Variants in KHNYN observed in about 807,000 individuals in gnomAD.
KHNYN encodes protein KHNYN.
Under a neutral mutation model 62.7 loss-of-function variants are expected in KHNYN, and 42 were observed. The observed-to-expected ratio is 0.67, with a 90% CI of 0.52 to 0.87. The LOEUF (loss-of-function observed/expected upper bound fraction) is 0.87. Among genes scored for constraint, KHNYN ranks in the 40% least tolerant of loss-of-function variants. The probability of loss-of-function intolerance (pLI) is 0.00; values close to 1 mark genes in which losing one functional copy is unlikely to be tolerated. For missense variants in KHNYN, 829 were observed against 874.1 expected (o/e 0.95, Z 0.65); for synonymous variants, 347 against 345.6 (o/e 1.00, Z -0.04).
upstream of KHNYN, among the ~76,000 whole-genome samples, chr14:24,425,819 C>T (rs527676364): frequency 1.4e-4 from 21 of 152,318 alleles, no homozygotes; most frequent in South Asian, 8.3e-4. Context: ...TCTTATAACA[C>T]GCCATTGGAC....
chr14:24,438,051 C>T lies in KHNYN; in HGVS notation c.*766C>T. 6.5e-6 allele frequency: 1 copy of T among 152,734 alleles called. No homozygotes were observed. 9.5% of individuals were successfully genotyped at this position (152,734 alleles called of 1,614,324 possible). ...GTCCTTTGTCTCCAGGATCCACACCCTAGATTTTAACACTGCATTCTCACT... is the reference window on the plus strand; with the variant it reads ...GTCCTTTGTCTCCAGGATCCACACCTTAGATTTTAACACTGCATTCTCACT... On this transcript the variant is annotated 3_prime_UTR_variant, in exon 8 of 8. Transcript: ENST00000553935.
Position 24,437,241 on chromosome 14 carries a change from G to T in KHNYN, c.1993G>T (p.Asp665Tyr). The T allele has an allele frequency of 6.2e-7, 1 of 1,614,170 alleles. No homozygotes were observed. The highest frequency in any genetic ancestry group is 8.5e-7 in the Non-Finnish European group (1 of 1,180,020). ...FILQREPYCR[D>Y]INQLSEALLS... The stretch of plus-strand genomic sequence containing the variant: ...CCTGCAGCGGGAGCCATACTGCCGG[G>T]ACATCAACCAACTGTCTGAGGCCCT... The change falls in exon 8 of 8, where the codon GAC becomes TAC. Residue 665 changes from aspartate to tyrosine, a missense_variant. Asp to Tyr is a radical substitution (Grantham distance 160). Transcript: ENST00000553935. The surrounding 1 kb of genome is among the most constrained non-coding windows in gnomAD (Gnocchi z 5.5).
At position 24,436,297 on chromosome 14, in the gene KHNYN, G is replaced by A. The variant is rs143544907; in HGVS notation, c.1686-91G>A. 7 of 1,422,730 alleles carry A rather than the reference G, an allele frequency of 4.9e-6. No individual in the cohort carries two copies. The African/African-American group carries it at 8.4e-5, about 17-fold the overall frequency. 88.1% of individuals were successfully genotyped at this position (1,422,730 alleles called of 1,614,324 possible). A position where few individuals can be genotyped will look rare whatever the true frequency, so the allele number is the denominator to read the frequency against. The stretch of plus-strand genomic sequence containing the variant: ...GGAGGTGAAGTTTTCTTGAAGGATG[G>A]AGCCAGCAGCTTCTGGTGATACTGG... On this transcript the variant is annotated intron_variant, in intron 6 of 7. Transcript: ENST00000553935.
chr14:24,437,137 G>A lies in KHNYN; in HGVS notation c.1889G>A (p.Arg630Gln), dbSNP rs1000598011. The A allele has an allele frequency of 1.2e-6, 2 of 1,614,170 alleles. No individual in the cohort carries two copies. The highest frequency in any genetic ancestry group is 1.7e-6 in the Non-Finnish European group (2 of 1,180,020). The change falls in exon 8 of 8, where the codon CGG (arginine) becomes CAG (glutamine). Residue 630 changes from arginine (R) to glutamine (Q), a missense_variant. Physicochemically the swap from Arg to Gln is conservative, Grantham distance 43. Transcript: ENST00000553935. This position sits in a 1 kb window ranked among gnomAD's most constrained non-coding sequence, Gnocchi z 5.5. ...GAGGAAAAAGGTAGTGGTGGCATTC[G>A]GAAGACCCGGGAAACAGAGCGGCTC... ...REEEKGSGGI[R>Q]KTRETERLRR...
intron 5 of KHNYN, chr14:24,434,015 A>C: frequency 2.6e-6 from 1 of 389,656 alleles, no homozygotes; most frequent in Non-Finnish European, 3.5e-6. Flanking sequence ...CTTTTCAAAC[A>C]CTTACCTTCT....
At position 24,432,585 on chromosome 14, in the gene KHNYN, A is replaced by T. The variant is rs772011614; in HGVS notation, c.1324A>T (p.Ile442Phe). Residue 442 changes from isoleucine (I) to phenylalanine (F), a missense_variant, in exon 3 of 8, where the codon ATT becomes TTT. By Grantham distance (21) the Ile-to-Phe change is conservative. Transcript: ENST00000553935. The surrounding 1 kb of genome is among the most constrained non-coding windows in gnomAD (Gnocchi z 5.6). Reference sequence around the variant, plus strand: ...CCAGCCAGACCTCCGCCATATTGTCATTGACGGCAGCAACGTGGCCATGGT... The same window carrying T: ...CCAGCCAGACCTCCGCCATATTGTCTTTGACGGCAGCAACGTGGCCATGGT... ...PGQPDLRHIV[I>F]DGSNVAMVHG... is the part of the protein sequence containing the mutation. 3 of 1,607,944 alleles carry T rather than the reference A, an allele frequency of 1.9e-6. No homozygotes were observed. Among genetic ancestry groups the T allele is most frequent in the Admixed American group, 3.3e-5 (2 of 59,850 alleles).
Position 24,432,129 on chromosome 14 carries a change from C to G in KHNYN, c.868C>G (p.Gln290Glu), listed in dbSNP as rs769453391. 1 of 1,552,056 alleles carries G rather than the reference C, an allele frequency of 6.4e-7. No individual in the cohort carries two copies. The highest frequency in any genetic ancestry group is 1.2e-5 in the South Asian group (1 of 80,892). The change falls in exon 3 of 8, where the codon CAG (glutamine) becomes GAG (glutamate). Residue 290 changes from glutamine (Q) to glutamate (E), a missense_variant. By Grantham distance (29) the Gln-to-Glu change is conservative (BLOSUM62 2). Transcript: ENST00000553935. This position sits in a 1 kb window ranked among gnomAD's most constrained non-coding sequence, Gnocchi z 5.6. ...AWEREVALRPQSVGGGARESA... is the reference protein window; with the variant it reads ...AWEREVALRPESVGGGARESA... ...GGAGAGAGAAGTGGCCCTCAGGCCA[C>G]AGTCAGTGGGTGGAGGGGCAAGGGA...
Position 24,439,351 on chromosome 14 carries a change from GCTT to G in KHNYN, c.*2070_*2072del. ...CAGTCAGATGAGAGGCAAGTCCTAA[GCTT>G]CTTATAGACAGGGATGTTGACTTTG... is the stretch of plus-strand genomic sequence containing the variant. On this transcript the variant is annotated 3_prime_UTR_variant, in exon 8 of 8. Coordinates refer to ENST00000553935, the MANE Select transcript of KHNYN (RefSeq NM_015299.3). 6.6e-6 allele frequency: 1 copy of G among 152,198 alleles called. No individual in the cohort carries two copies. The highest frequency in any genetic ancestry group is 2.4e-5 in the African/African-American group (1 of 41,424). 9.4% of individuals were successfully genotyped at this position (152,198 alleles called of 1,614,324 possible). A position where few individuals can be genotyped will look rare whatever the true frequency, so the allele number is the denominator to read the frequency against.
upstream of KHNYN, among the ~76,000 whole-genome samples, chr14:24,425,336 C>G (rs866404512): frequency 9.2e-5 from 14 of 152,238 alleles, no homozygotes; most frequent in Admixed American, 2.0e-4. Flanking sequence ...AGCCAAGCTC[C>G]CTGGCTTGGT....
chr14:24,440,972 C>A lies in KHNYN; in HGVS notation c.*3687C>A, dbSNP rs761623076. On this transcript the variant is annotated 3_prime_UTR_variant, in exon 8 of 8. Coordinates refer to ENST00000553935, the MANE Select transcript of KHNYN (RefSeq NM_015299.3). Reference sequence around the variant, plus strand: ...TTTGCCCTGGGTGTCCTTGGTCCTGCCTGGCTCTCTGTAGTGGAGGCTCCC... The same window carrying A: ...TTTGCCCTGGGTGTCCTTGGTCCTGACTGGCTCTCTGTAGTGGAGGCTCCC... 4.3e-6 allele frequency: 7 copies of A among 1,611,890 alleles called. No homozygotes were observed. The highest frequency in any genetic ancestry group is 3.3e-5 in the Admixed American group (2 of 59,840).
At position 24,440,666 on chromosome 14, in the gene KHNYN, T is replaced by G. The variant is rs1371450243; in HGVS notation, c.*3381T>G. 1 of 1,421,244 alleles carries G rather than the reference T, an allele frequency of 7.0e-7. No individual in the cohort carries two copies. The highest frequency in any genetic ancestry group is 9.7e-7 in the Non-Finnish European group (1 of 1,028,970). The allele number at this position is 1,421,244 out of a possible 1,614,324, so 88.0% of individuals were successfully genotyped here. A position where few individuals can be genotyped will look rare whatever the true frequency, so the allele number is the denominator to read the frequency against. ...CACACCTTCTCATCTGCAGGTTGGC[T>G]AGAAGTGGTGGCATCCTCTCACTCT... On this transcript the variant is annotated 3_prime_UTR_variant, in exon 8 of 8. Transcript: ENST00000553935.
rs1272962752 is a variant in KHNYN, at chr14:24,432,382, G to T, written c.1121G>T (p.Gly374Val). 1.2e-6 allele frequency: 2 copies of T among 1,613,928 alleles called. No homozygotes were observed. Among genetic ancestry groups the T allele is most frequent in the East Asian group, 4.5e-5 (2 of 44,874 alleles). The change falls in exon 3 of 8, where the codon GGT (glycine) becomes GTT (valine). Residue 374 changes from glycine (G) to valine (V), a missense_variant. By Grantham distance (109) the Gly-to-Val change is moderately radical (BLOSUM62 -3). Around this residue, in one of 2 missense-constraint regions of KHNYN, gnomAD observed 559 missense variants for 527.0 expected, o/e 1.06. Transcript: ENST00000553935. The surrounding 1 kb of genome is among the most constrained non-coding windows in gnomAD (Gnocchi z 5.6). ...CCCCCATGGCACTGTGGAGACCGGG[G>T]TGACTGCGGAGACCGGGGAGACGTG... ...PEPPWHCGDR[G>V]DCGDRGDVGD...
In KHNYN at chr14:24,438,852, T is replaced by G. The variant is rs1246096303; in HGVS notation, c.*1567T>G. The stretch of plus-strand genomic sequence containing the variant: ...TGTGGGGAGTCTCTAGACAAGATCT[T>G]TTCCAGGCCCTGACTTCTGCCTCCC... On this transcript the variant is annotated 3_prime_UTR_variant, in exon 8 of 8. Coordinates refer to ENST00000553935, the MANE Select transcript of KHNYN (RefSeq NM_015299.3). 6.6e-6 allele frequency: 1 copy of G among 152,176 alleles called. No individual in the cohort carries two copies. The highest frequency in any genetic ancestry group is 2.4e-5 in the African/African-American group (1 of 41,446). 9.4% of individuals were successfully genotyped at this position (152,176 alleles called of 1,614,324 possible).
Position 24,436,212 on chromosome 14 carries a change from A to C in KHNYN, c.1685+33A>C, listed in dbSNP as rs1282084334. The C allele has an allele frequency of 3.8e-6, 6 of 1,566,356 alleles. No homozygotes were observed. The African/African-American group carries it at 8.1e-5, about 21-fold the overall frequency. On this transcript the variant is annotated intron_variant, in intron 6 of 7. Transcript: ENST00000553935. ...AGCCCTCCCGCTGAGAACTGGGCAC[A>C]GATGCAGATGTTTTTCTAAAGCCAG...
chr14:24,430,219 C>T (rs2043079983), intron 1 of KHNYN, 100 bp downstream of exon 1: 1 of 853,132 alleles, frequency 1.2e-6, no homozygotes. Flanking sequence ...GGTGGGCGGG[C>T]CCGGCCCGGC....
intron 5 of KHNYN, 34 bp from the exon 6 acceptor site, chr14:24,436,038 A>G: frequency 6.4e-7 from 1 of 1,558,718 alleles, no homozygotes; most frequent in Non-Finnish European, 8.9e-7. Flanking sequence ...GTAATTTTTC[A>G]ACCCTCTCTC....
intron 1 of KHNYN, chr14:24,430,359 T>C: frequency 1.1e-5 from 10 of 892,912 alleles, no homozygotes; most frequent in Non-Finnish European, 1.4e-5. Flanking sequence ...CCTAGTTCAA[T>C]CCCCTGCTGA....
chr14:24,428,212 G>A, upstream of KHNYN: 1 of 1,580,860 alleles, frequency 6.3e-7, no homozygotes, highest in Non-Finnish European at 8.6e-7. Context: ...AGTCCACCCG[G>A]AGGTCAGCTG....
intron 5 of KHNYN, among the ~76,000 whole-genome samples, chr14:24,433,730 C>T (rs932860935): frequency 6.6e-6 from 1 of 152,208 alleles, no homozygotes; most frequent in Non-Finnish European, 1.5e-5. Context: ...CAGACCTACT[C>T]AAGTGTGGCA....
Sources: gnomAD v4.1 joint callset for allele counts (sites outside exome capture counted in the v4.1 genomes callset) on GRCh38, gnomAD v4.1.1 for gene constraint, gnomAD v4.1.1 regional missense constraint, Gnocchi (gnomAD v3.1) non-coding constraint, MANE v1.5 for transcripts, NCBI Gene and HGNC (gene_info 2026-07-23, HGNC 2026-07-21) for gene names.